Variants in OSBPL6 observed in about 807,000 individuals in gnomAD.
OSBPL6 encodes the protein oxysterol-binding protein-related protein 6.
A neutral mutation model predicts 125.8 loss-of-function variants in OSBPL6; 49 were observed. The ratio of observed to expected loss-of-function variants is 0.39; its 90% CI spans 0.31 to 0.49. The LOEUF is 0.49. OSBPL6 is among the 20% of genes least tolerant of loss of function. The probability of loss-of-function intolerance (pLI) is 0.88; values close to 1 mark genes in which losing one functional copy is unlikely to be tolerated. For missense variants in OSBPL6, 986 were observed against 1,135.4 expected (o/e 0.87, Z 1.89); for synonymous variants, 394 against 391.8 (o/e 1.01, Z -0.07).
intron 3 of OSBPL6, among the ~76,000 whole-genome samples, chr2:178,317,486 ATT>A (rs1687859578): frequency 7.6e-6 from 1 of 131,436 alleles, no homozygotes; most frequent in Non-Finnish European, 1.6e-5. Context: ...ATATAGAATA[ATT>A]ATTCATTCAT....
At chr2:178,301,896 C>G (rs1251850201) in intron 2 of OSBPL6, among the ~76,000 whole-genome samples, 2 of 152,124 alleles carry the variant, frequency 1.3e-5, no homozygotes, top group African/African-American at 4.8e-5. Flanking sequence ...AAAAATAAAC[C>G]TTTCTTGTAA....
intron 1 of OSBPL6, among the ~76,000 whole-genome samples, chr2:178,266,162 A>G (rs183630766): frequency 1.8e-4 from 28 of 152,300 alleles, no homozygotes; most frequent in Non-Finnish European, 2.6e-4. Context: ...GGAAGGAAGC[A>G]GGGGCAGATC....
intron 3 of OSBPL6, chr2:178,320,449 T>G: frequency 6.4e-6 from 10 of 1,563,036 alleles, no homozygotes; most frequent in Non-Finnish European, 8.7e-6. Context: ...CTTAAAAAAC[T>G]GACCTGGAAA....
chr2:178,337,646 G>T (rs1244951052), intron 9 of OSBPL6, among the ~76,000 whole-genome samples: 1 of 152,152 alleles, frequency 6.6e-6, no homozygotes, highest in African/African-American at 2.4e-5. Flanking sequence ...AGAGCTAAAT[G>T]CTACTATCAC....
chr2:178,224,892 A>C (rs2090484126), intron 1 of OSBPL6, among the ~76,000 whole-genome samples: 1 of 152,122 alleles, frequency 6.6e-6, no homozygotes, highest in South Asian at 2.1e-4. Context: ...CTGAGATTGT[A>C]CCACTGCACT....
At chr2:178,327,515 G>A (rs1688798878) in intron 4 of OSBPL6, among the ~76,000 whole-genome samples, 1 of 152,090 alleles carries the variant, frequency 6.6e-6, no homozygotes, top group Non-Finnish European at 1.5e-5. Flanking sequence ...AGAATATAGT[G>A]GTCATCTAAC....
At chr2:178,349,411 C>T in intron 12 of OSBPL6, 22 bp downstream of exon 12, 1 of 1,606,592 alleles carries the variant, frequency 6.2e-7, no homozygotes, top group East Asian at 2.2e-5. Flanking sequence ...AATAATGCGC[C>T]CTTTAAAGAA....
intron 10 of OSBPL6, 55 bp downstream of exon 10, chr2:178,339,149 T>C (rs1357747653): frequency 9.2e-7 from 1 of 1,089,326 alleles, no homozygotes; most frequent in African/African-American, 1.6e-5. Flanking sequence ...TAATACTCTT[T>C]ATTGGGTTGT....
intron 13 of OSBPL6, among the ~76,000 whole-genome samples, chr2:178,371,432 A>G (rs572566888): frequency 2.0e-5 from 3 of 152,320 alleles, no homozygotes; most frequent in African/African-American, 7.2e-5. Flanking sequence ...TACTGATGCT[A>G]ACTTAAAGCA....
At chr2:178,263,143 G>A (rs334004) in intron 1 of OSBPL6, among the ~76,000 whole-genome samples, 99,141 of 152,128 alleles carry the variant, frequency 0.65, 34,320 homozygotes, top group African/African-American at 0.9. Flanking sequence ...TTTTCTCCAG[G>A]AACAGGGTGT....
chr2:178,316,184 G>C (rs889288152), intron 3 of OSBPL6, among the ~76,000 whole-genome samples: 1 of 152,172 alleles, frequency 6.6e-6, no homozygotes, highest in Non-Finnish European at 1.5e-5. Flanking sequence ...CAAGGAAATA[G>C]ATACTCTCCT....
intron 1 of OSBPL6, among the ~76,000 whole-genome samples, chr2:178,208,437 C>G (rs1240751056): frequency 6.6e-6 from 1 of 152,140 alleles, no homozygotes; most frequent in South Asian, 2.1e-4. Flanking sequence ...CTCTTTCAAA[C>G]CAATTATTAC....
At chr2:178,257,291 T>G (rs2091917070) in intron 1 of OSBPL6, among the ~76,000 whole-genome samples, 1 of 152,258 alleles carries the variant, frequency 6.6e-6, no homozygotes, top group South Asian at 2.1e-4. Context: ...GCATCTTCTC[T>G]TGACCATCAA....
intron 1 of OSBPL6, among the ~76,000 whole-genome samples, chr2:178,223,060 G>A (rs2090410289): frequency 6.6e-6 from 1 of 152,146 alleles, no homozygotes. Context: ...GTTGCCATAA[G>A]CAACACTGTG....
rs1363018494 is a variant in OSBPL6, at chr2:178,300,878, AAAAGGCT to A, written c.-155-5150_-155-5144del. On this transcript the variant is annotated intron_variant, in intron 2 of 24. Transcript: ENST00000190611. Reference sequence around the variant, plus strand: ...TATCTTTCAAATTATTGTCAAATATAAAAGGCTATTAAAACCATATGAAAGTCAGTAT... The same window carrying A: ...TATCTTTCAAATTATTGTCAAATATAATTAAAACCATATGAAAGTCAGTAT... Among the ~76,000 whole-genome samples the A allele has an allele frequency of 3.3e-5, 5 of 152,212 alleles. No homozygotes were observed. The East Asian group carries it at 9.6e-4, about 29-fold the overall frequency.
chr2:178,250,566 C>A (rs1486042619), intron 1 of OSBPL6, among the ~76,000 whole-genome samples: 1 of 152,200 alleles, frequency 6.6e-6, no homozygotes, highest in Non-Finnish European at 1.5e-5. Flanking sequence ...GCCTTCCCAG[C>A]CTTACTTTTA....
intron 1 of OSBPL6, among the ~76,000 whole-genome samples, chr2:178,273,003 T>C (rs1290663053): frequency 6.6e-6 from 1 of 152,208 alleles, no homozygotes. Context: ...ATAATTCCAC[T>C]GAGCCACAGA....
At chr2:178,313,539 C>T (rs1687479668) in intron 3 of OSBPL6, among the ~76,000 whole-genome samples, 1 of 151,900 alleles carries the variant, frequency 6.6e-6, no homozygotes, top group African/African-American at 2.4e-5. Context: ...CTCGTAATGA[C>T]TCAAAGTTTG....
chr2:178,297,712 G>A (rs1473319142), intron 2 of OSBPL6, among the ~76,000 whole-genome samples: 1 of 152,172 alleles, frequency 6.6e-6, no homozygotes, highest in Admixed American at 6.5e-5. Flanking sequence ...TAGAAGAAAT[G>A]CAGATTGGCG....
Sources: gnomAD v4.1 joint callset for allele counts (sites outside exome capture counted in the v4.1 genomes callset) on GRCh38, gnomAD v4.1.1 for gene constraint, MANE v1.5 for transcripts, NCBI Gene and HGNC (gene_info 2026-07-23, HGNC 2026-07-21) for gene names.